The following DMD variants were observed in gnomAD, a reference collection of about 807,000 sequenced individuals.
The protein encoded by DMD is dystrophin.
Under a neutral mutation model 330.1 loss-of-function variants are expected in DMD, and 63 were observed. The observed-to-expected ratio is 0.19, with a 90% CI of 0.16 to 0.24. The LOEUF is 0.24. Among genes scored for constraint, DMD ranks in the 10% least tolerant of loss-of-function variants. The pLI is 1.00. For synonymous variants in DMD, 1,223 were observed against 959.8 expected (o/e 1.27, Z -5.07); for missense variants, 3,344 against 2,684.1 (o/e 1.25, Z -5.43).
chrX:32,134,877 A>C (rs1427997275), intron 44 of DMD, among the ~76,000 whole-genome samples: 1 of 112,143 alleles, frequency 8.9e-6, no homozygotes, highest in Non-Finnish European at 1.9e-5. Flanking sequence ...ACTGATATAA[A>C]TTCCATGGGT....
intron 4 of DMD, among the ~76,000 whole-genome samples, chrX:32,834,087 C>T (rs577697565): frequency 1.8e-5 from 2 of 111,349 alleles, no homozygotes; most frequent in African/African-American, 6.5e-5. Flanking sequence ...TGAACATTTA[C>T]TATTAATGCA....
chrX:32,791,864 ACAT>A (rs2075846657), intron 7 of DMD, among the ~76,000 whole-genome samples: 1 of 111,163 alleles, frequency 9.0e-6, no homozygotes, highest in Non-Finnish European at 1.9e-5. Flanking sequence ...AGAGATTTAG[ACAT>A]CCAGATACAG....
chrX:31,636,039 C>CAG (rs749011766), intron 54 of DMD, among the ~76,000 whole-genome samples: 13 of 111,782 alleles, frequency 1.2e-4, no homozygotes, highest in Admixed American at 7.6e-4. Context: ...GGAGATTCTT[C>CAG]AGAGATCATG....
At chrX:31,828,815 C>G (rs2092953335) in intron 49 of DMD, among the ~76,000 whole-genome samples, 1 of 111,030 alleles carries the variant, frequency 9.0e-6, no homozygotes, top group Non-Finnish European at 1.9e-5. Flanking sequence ...GAATTGGTAC[C>G]AATTATAATG....
At chrX:33,020,529 C>T (rs2093894062) in intron 1 of DMD, among the ~76,000 whole-genome samples, 1 of 111,375 alleles carries the variant, frequency 9.0e-6, no homozygotes, top group Admixed American at 9.6e-5. Context: ...CAAAAATTAG[C>T]CAGGCATGGT....
intron 9 of DMD, among the ~76,000 whole-genome samples, chrX:32,686,036 T>C (rs1337664033): frequency 9.0e-6 from 1 of 111,622 alleles, no homozygotes; most frequent in African/African-American, 3.3e-5. Flanking sequence ...AGTTTGCTAG[T>C]AGATTTGAGA....
intron 9 of DMD, among the ~76,000 whole-genome samples, chrX:32,687,589 A>G (rs2062976299): frequency 9.0e-6 from 1 of 111,007 alleles, no homozygotes; most frequent in Non-Finnish European, 1.9e-5. Context: ...AAGGCCACAT[A>G]TACATGTTCC....
intron 67 of DMD, among the ~76,000 whole-genome samples, chrX:31,195,039 T>A (rs1045887409): frequency 9.0e-6 from 1 of 111,512 alleles, no homozygotes; most frequent in African/African-American, 3.3e-5. Flanking sequence ...GATTGAGAGG[T>A]CAAGAGTTGT....
intron 17 of DMD, among the ~76,000 whole-genome samples, chrX:32,542,020 T>C (rs1258967627): frequency 9.0e-6 from 1 of 111,571 alleles, no homozygotes; most frequent in African/African-American, 3.3e-5. Flanking sequence ...CAAGCGGAAA[T>C]AGCTTTAGAG....
intron 7 of DMD, among the ~76,000 whole-genome samples, chrX:32,738,833 A>G (rs1307996531): frequency 8.9e-6 from 1 of 111,864 alleles, no homozygotes; most frequent in Non-Finnish European, 1.9e-5. Context: ...AATTCATAGA[A>G]ATGAATCTTT....
intron 60 of DMD, among the ~76,000 whole-genome samples, chrX:31,439,002 T>C (rs979993562): frequency 2.7e-5 from 3 of 111,411 alleles, no homozygotes; most frequent in African/African-American, 6.5e-5. Context: ...CAAATACTCC[T>C]ATTGTTTAGC....
At chrX:31,297,463 T>C (rs2054276848) in intron 62 of DMD, among the ~76,000 whole-genome samples, 2 of 111,760 alleles carry the variant, frequency 1.8e-5, no homozygotes, top group South Asian at 3.8e-4. Flanking sequence ...AAAGATATAA[T>C]GTTTAAGGGG....
At chrX:32,549,374 G>T (rs2049295828) in intron 16 of DMD, among the ~76,000 whole-genome samples, 1 of 111,734 alleles carries the variant, frequency 8.9e-6, no homozygotes, top group African/African-American at 3.2e-5. Flanking sequence ...CAGGGCCCCT[G>T]CTCAGGAGGC....
At chrX:32,163,407 G>A (rs557483722) in intron 44 of DMD, among the ~76,000 whole-genome samples, 2 of 112,182 alleles carry the variant, frequency 1.8e-5, no homozygotes, top group Middle Eastern at 9.2e-3. Context: ...CCCCAAATGA[G>A]TTTACTTAGA....
At chrX:31,961,757 T>C (rs1481041823) in intron 45 of DMD, among the ~76,000 whole-genome samples, 1 of 82,687 alleles carries the variant, frequency 1.2e-5, no homozygotes, top group Non-Finnish European at 2.2e-5. Context: ...TTTTTTTTTG[T>C]CTTGTTTTTT....
chrX:32,316,058 G>A (rs1383270461), intron 41 of DMD, among the ~76,000 whole-genome samples: 1 of 111,368 alleles, frequency 9.0e-6, no homozygotes, highest in Non-Finnish European at 1.9e-5. Flanking sequence ...TGAACTGCAG[G>A]TTGAGAATGC....
chrX:31,327,880 T>G (rs1036645649), intron 61 of DMD, among the ~76,000 whole-genome samples: 3 of 112,793 alleles, frequency 2.7e-5, no homozygotes, highest in Non-Finnish European at 1.9e-5. Flanking sequence ...CTAAGTAGTA[T>G]GCCATTATAT....
intron 50 of DMD, among the ~76,000 whole-genome samples, chrX:31,798,496 G>A (rs1256414795): frequency 1.9e-5 from 2 of 107,525 alleles, no homozygotes; most frequent in African/African-American, 3.4e-5. Context: ...GAAATAAAGA[G>A]GAATAAACCC....
At chrX:31,425,295 G>A (rs1477732577) in intron 60 of DMD, among the ~76,000 whole-genome samples, 1 of 112,251 alleles carries the variant, frequency 8.9e-6, no homozygotes, top group Non-Finnish European at 1.9e-5. Context: ...TTCTTCATGA[G>A]ACTGTTATTC....
Sources: allele counts gnomAD v4.1 joint callset (sites outside exome capture counted in the v4.1 genomes callset), GRCh38; gene constraint gnomAD v4.1.1; transcripts MANE v1.5; gene names NCBI Gene and HGNC (gene_info 2026-07-23, HGNC 2026-07-21).